NFIC: variants seen among roughly 807,000 people sequenced by gnomAD.
The protein encoded by NFIC is nuclear factor 1 C-type.
NFIC carries 12 observed loss-of-function variants against 54.4 expected under a neutral mutation model. The observed-to-expected ratio is 0.22, with a 90% CI of 0.14 to 0.36. NFIC has a LOEUF of 0.36. Ranked by LOEUF, NFIC falls within the 10% of genes least tolerant of loss-of-function variation. The probability of loss-of-function intolerance (pLI) is 1.00; values close to 1 mark genes in which losing one functional copy is unlikely to be tolerated. For missense variants in NFIC, 575 were observed against 718.2 expected (o/e 0.80, Z 2.28); for synonymous variants, 322 against 319.2 (o/e 1.01, Z -0.09).
At chr19:3,405,881 G>A (rs1021663971) in intron 2 of NFIC, among the ~76,000 whole-genome samples, 4 of 151,860 alleles carry the variant, frequency 2.6e-5, no homozygotes, top group Non-Finnish European at 2.9e-5. Flanking sequence ...GGGATTATAC[G>A]TGTGAGCCAC....
chr19:3,464,811 C>A lies in NFIC; in HGVS notation c.*2042C>A. ...GCCCTTGGTCCCTCCGTCCGTCTGT[C>A]CTCGGGGCCCGCTCCCCCGGTGGCC... On this transcript the variant is annotated 3_prime_UTR_variant, in exon 11 of 11. Transcript: ENST00000443272. 1.4e-6 allele frequency: 1 copy of A among 694,140 alleles called. No individual in the cohort carries two copies. The highest frequency in any genetic ancestry group is 1.8e-6 in the Non-Finnish European group (1 of 564,194). The allele number at this position is 694,140 out of a possible 1,614,324, so 43.0% of individuals were successfully genotyped here.
chr19:3,373,153 G>A (rs911952664), intron 1 of NFIC, among the ~76,000 whole-genome samples: 5 of 152,058 alleles, frequency 3.3e-5, no homozygotes, highest in Non-Finnish European at 5.9e-5. Flanking sequence ...CCCCTATTTC[G>A]TAGTAGACGT....
Position 3,453,719 on chromosome 19 carries a change from AG to A in NFIC, c.1270-39del. 3.2e-6 allele frequency: 5 copies of A among 1,565,680 alleles called. No homozygotes were observed. Among genetic ancestry groups the A allele is most frequent in the Non-Finnish European group, 4.3e-6 (5 of 1,161,450 alleles). ...GGCCGGCGCCAGCAGCCCGAGGTAG[AG>A]GGGGAGCCCACCCCTTAACCACGTG... On this transcript the variant is annotated intron_variant, in intron 8 of 10. Coordinates refer to ENST00000443272, the MANE Select transcript of NFIC (RefSeq NM_001245002.2). The surrounding 1 kb of genome is among the most constrained non-coding windows in gnomAD (Gnocchi z 6.7).
At chr19:3,380,056 A>G (rs1041389123) in intron 1 of NFIC, among the ~76,000 whole-genome samples, 4 of 151,678 alleles carry the variant, frequency 2.6e-5, no homozygotes, top group South Asian at 2.1e-4. Context: ...GCTGGAGTGC[A>G]GTGGCGCAAT....
intron 10 of NFIC, among the ~76,000 whole-genome samples, chr19:3,462,422 A>G (rs1568204855): frequency 6.6e-6 from 1 of 152,242 alleles, no homozygotes; most frequent in Non-Finnish European, 1.5e-5. Context: ...ATACAGTTCC[A>G]GATAAATGGA....
At chr19:3,383,394 G>C (rs2081244099) in intron 2 of NFIC, among the ~76,000 whole-genome samples, 2 of 152,154 alleles carry the variant, frequency 1.3e-5, no homozygotes, top group Non-Finnish European at 2.9e-5. Flanking sequence ...TGCCCCAGGG[G>C]TCCTGGCAGG....
chr19:3,361,458 G>A (rs974757797), intron 1 of NFIC, among the ~76,000 whole-genome samples: 4 of 152,096 alleles, frequency 2.6e-5, no homozygotes, highest in Non-Finnish European at 5.9e-5. Flanking sequence ...ACAGAGAGCT[G>A]TTTTGTCACC....
rs777734361 is a variant in NFIC at position 3,453,490 on chromosome 19, C to A, written c.1270-273C>A. ...TGGCACTGTTTGGAAGGAAATCAGTCGAGTTGGCGTGCAGGGGGTTTACAG... is the reference window on the plus strand; with the variant it reads ...TGGCACTGTTTGGAAGGAAATCAGTAGAGTTGGCGTGCAGGGGGTTTACAG... On this transcript the variant is annotated intron_variant, in intron 8 of 10. Transcript: ENST00000443272. The surrounding 1 kb of genome is among the most constrained non-coding windows in gnomAD (Gnocchi z 6.7). Among the ~76,000 whole-genome samples, 1 of 152,126 alleles carries A rather than the reference C, an allele frequency of 6.6e-6. No homozygotes were observed. The highest frequency in any genetic ancestry group is 1.5e-5 in the Non-Finnish European group (1 of 68,030).
upstream of NFIC, among the ~76,000 whole-genome samples, chr19:3,363,234 T>TGTGTGTGTGTGCGG (rs199853260): frequency 1.6e-5 from 1 of 62,244 alleles, no homozygotes; most frequent in African/African-American, 7.3e-5. Flanking sequence ...TGTATGTGTA[T>TGTGTGTGTGTGCGG]GTGTGTGTAT....
At chr19:3,448,868 C>A in intron 6 of NFIC, 146 bp from the exon 7 acceptor site, 1 of 1,288,504 alleles carries the variant, frequency 7.8e-7, no homozygotes, top group Non-Finnish European at 1.1e-6. Context: ...GTGTAATGGG[C>A]TCACAGCCTC....
chr19:3,434,161 A>G (rs2082162397), intron 4 of NFIC, 116 bp from the exon 5 acceptor site: 5 of 1,452,506 alleles, frequency 3.4e-6, no homozygotes, highest in Non-Finnish European at 4.6e-6. Flanking sequence ...AACCGGGCCA[A>G]TATGGGAAGG....
intron 2 of NFIC, among the ~76,000 whole-genome samples, chr19:3,394,349 G>A (rs893853762): frequency 5.9e-5 from 9 of 151,882 alleles, no homozygotes; most frequent in Middle Eastern, 3.4e-3. Flanking sequence ...GCGTGGTGGC[G>A]TGAACCTGCG....
intron 3 of NFIC, 113 bp downstream of exon 3, chr19:3,425,290 G>T: frequency 1.6e-6 from 2 of 1,273,966 alleles, no homozygotes; most frequent in Non-Finnish European, 2.1e-6. Flanking sequence ...GCAGACTGAG[G>T]CTCGGAGAGG....
chr19:3,360,513 C>G (rs964517668), intron 1 of NFIC, among the ~76,000 whole-genome samples: 5 of 151,934 alleles, frequency 3.3e-5, no homozygotes, highest in African/African-American at 1.2e-4. Context: ...CCCTGCGCTC[C>G]GTAACGGGCC....
At chr19:3,421,297 G>A (rs980111271) in intron 2 of NFIC, among the ~76,000 whole-genome samples, 3 of 152,262 alleles carry the variant, frequency 2.0e-5, no homozygotes, top group Admixed American at 6.5e-5. Context: ...AGCCTGCTGA[G>A]TCTGTGTGGG....
At chr19:3,427,259 T>C (rs1241442267) in intron 3 of NFIC, among the ~76,000 whole-genome samples, 3 of 152,130 alleles carry the variant, frequency 2.0e-5, no homozygotes, top group African/African-American at 7.2e-5. Flanking sequence ...CTGTTTTCTT[T>C]CCTTCAGAGG....
chr19:3,363,434 G>A (rs1350852653), upstream of NFIC, among the ~76,000 whole-genome samples: 2 of 151,230 alleles, frequency 1.3e-5, no homozygotes, highest in Non-Finnish European at 2.9e-5. Flanking sequence ...CCCATGCCCG[G>A]CTAATTTTTG....
intron 6 of NFIC, among the ~76,000 whole-genome samples, chr19:3,446,590 T>C (rs1014939360): frequency 6.6e-6 from 1 of 152,216 alleles, no homozygotes; most frequent in African/African-American, 2.4e-5. Flanking sequence ...TCAGTAGATA[T>C]GTTTTACCTT....
At chr19:3,413,968 C>T (rs1326608125) in intron 2 of NFIC, among the ~76,000 whole-genome samples, 2 of 152,086 alleles carry the variant, frequency 1.3e-5, no homozygotes, top group Non-Finnish European at 2.9e-5. Context: ...TTTCCTGTCA[C>T]GTTCCCATTA....
Sources: gnomAD v4.1 joint callset for allele counts (sites outside exome capture counted in the v4.1 genomes callset) on GRCh38, gnomAD v4.1.1 for gene constraint, Gnocchi (gnomAD v3.1) non-coding constraint, MANE v1.5 for transcripts, NCBI Gene and HGNC (gene_info 2026-07-23, HGNC 2026-07-21) for gene names.